TPRG1: variants seen among roughly 807,000 people sequenced by gnomAD.
TPRG1 encodes tumor protein p63 regulated 1, also known as tumor protein p63-regulated gene 1 protein.
TPRG1 carries 29 observed loss-of-function variants against 29.3 expected under a neutral mutation model. The observed-to-expected ratio is 0.99, with a 90% confidence interval of 0.74 to 1.35. TPRG1 has a LOEUF of 1.35. TPRG1 is among the 40% of genes most tolerant of loss of function. The probability of loss-of-function intolerance (pLI) is 0.00; values close to 1 mark genes in which losing one functional copy is unlikely to be tolerated. For synonymous variants in TPRG1, 130 were observed against 116.8 expected, an observed-to-expected ratio of 1.11 and a Z score of -0.73; for missense variants, 327 against 335.0, an observed-to-expected ratio of 0.98 and a Z score of 0.19.
At chr3:189,312,177 CTTTCTTTTTTT>C (rs1722749274) in intron 5 of TPRG1, among the ~76,000 whole-genome samples, 2 of 54,090 alleles carry the variant, frequency 3.7e-5, no homozygotes, top group African/African-American at 1.4e-4. Flanking sequence ...TTCTTTCTTT[CTTTCTTTTTTT>C]CTTTCTTTCT....
At chr3:189,085,199 G>A (rs550133345) in intron 4 of TPRG1, among the ~76,000 whole-genome samples, 2 of 152,136 alleles carry the variant, frequency 1.3e-5, no homozygotes, top group East Asian at 3.9e-4. Context: ...GTGGGGCATA[G>A]GTACATTACG....
chr3:189,290,019 CATAATT>C (rs1718735023), intron 4 of TPRG1, among the ~76,000 whole-genome samples: 1 of 152,036 alleles, frequency 6.6e-6, no homozygotes, highest in African/African-American at 2.4e-5. Flanking sequence ...CAATAGGAAA[CATAATT>C]ATATGGTTTT....
At chr3:189,090,526 T>C (rs902485911) in intron 4 of TPRG1, among the ~76,000 whole-genome samples, 1 of 152,084 alleles carries the variant, frequency 6.6e-6, no homozygotes, top group African/African-American at 2.4e-5. Flanking sequence ...TTGTTTTTGC[T>C]TTATCATAGT....
At chr3:189,312,863 T>C (rs1295266701) in intron 5 of TPRG1, among the ~76,000 whole-genome samples, 1 of 152,162 alleles carries the variant, frequency 6.6e-6, no homozygotes, top group Non-Finnish European at 1.5e-5. Context: ...GAACAGGAAA[T>C]TGATGTTCAT....
At chr3:189,250,514 C>A (rs932571753) in intron 4 of TPRG1, among the ~76,000 whole-genome samples, 1 of 86,172 alleles carries the variant, frequency 1.2e-5, no homozygotes, top group African/African-American at 5.6e-5. Context: ...GCCCCCCCCC[C>A]CCCACCCAGA....
At chr3:189,072,726 G>A (rs539214389) in intron 4 of TPRG1, among the ~76,000 whole-genome samples, 35 of 152,042 alleles carry the variant, frequency 2.3e-4, no homozygotes, top group Non-Finnish European at 4.1e-4. Flanking sequence ...TCCATTGGTT[G>A]TTTCTTGCCT....
At chr3:189,294,088 G>A (rs950299567) in intron 4 of TPRG1, among the ~76,000 whole-genome samples, 1 of 152,132 alleles carries the variant, frequency 6.6e-6, no homozygotes, top group Non-Finnish European at 1.5e-5. Context: ...CTGTATGAAG[G>A]GCTAAGAAAA....
At chr3:189,202,070 T>C (rs999224100) in intron 1 of TPRG1, among the ~76,000 whole-genome samples, 15 of 152,188 alleles carry the variant, frequency 9.9e-5, no homozygotes, top group African/African-American at 2.7e-4. Flanking sequence ...TCAAGCTGAT[T>C]AGAAGTTTTC....
At chr3:189,132,581 C>A (rs1399793052) in exon 3 of TPRG1, 1 of 152,204 alleles carries the variant, frequency 6.6e-6, no homozygotes, top group Non-Finnish European at 1.5e-5. Context: ...AGCGTGGCTT[C>A]TGTACTTAGC....
intron 1 of TPRG1, among the ~76,000 whole-genome samples, chr3:189,187,588 A>G (rs1397431285): frequency 2.0e-5 from 3 of 151,976 alleles, no homozygotes; most frequent in African/African-American, 7.3e-5. Flanking sequence ...AAGTGCTGGG[A>G]TTACAGGCGT....
chr3:189,236,607 A>G (rs1739485402), intron 3 of TPRG1, among the ~76,000 whole-genome samples: 1 of 152,130 alleles, frequency 6.6e-6, no homozygotes, highest in African/African-American at 2.4e-5. Context: ...CTTTCACAAT[A>G]CCACTAACTG....
At chr3:189,173,673 A>G (rs550748823) in intron 1 of TPRG1, among the ~76,000 whole-genome samples, 1 of 152,130 alleles carries the variant, frequency 6.6e-6, no homozygotes, top group Non-Finnish European at 1.5e-5. Flanking sequence ...GATATGCACA[A>G]GTCACACAGC....
At chr3:189,064,031 A>C (rs1716280559) in intron 4 of TPRG1, among the ~76,000 whole-genome samples, 1 of 152,160 alleles carries the variant, frequency 6.6e-6, no homozygotes, top group Admixed American at 6.6e-5. Context: ...CACTTAATAC[A>C]CATAAGATGC....
At chr3:189,279,780 A>T (rs575739803) in intron 4 of TPRG1, among the ~76,000 whole-genome samples, 73 of 152,286 alleles carry the variant, frequency 4.8e-4, no homozygotes, top group Middle Eastern at 3.4e-3. Flanking sequence ...CTGACTACTA[A>T]TTCAGGTTGT....
chr3:189,290,416 A>T (rs1280665564), intron 4 of TPRG1, among the ~76,000 whole-genome samples: 1 of 152,226 alleles, frequency 6.6e-6, no homozygotes, highest in Non-Finnish European at 1.5e-5. Flanking sequence ...CGATGAATCG[A>T]TAGAGTGTGA....
chr3:189,283,658 C>T (rs1399004509), intron 4 of TPRG1, among the ~76,000 whole-genome samples: 2 of 152,194 alleles, frequency 1.3e-5, no homozygotes, highest in African/African-American at 4.8e-5. Context: ...TCAGCAGTGA[C>T]TGGTCAGTTG....
intron 2 of TPRG1, among the ~76,000 whole-genome samples, chr3:189,130,189 C>G (rs1722949205): frequency 6.6e-6 from 1 of 152,242 alleles, no homozygotes; most frequent in South Asian, 2.1e-4. Flanking sequence ...GGGTTCTAGG[C>G]ACATGCATAG....
rs1048905971 is a variant in TPRG1, at chr3:189,320,700, A to G, written c.708A>G (p.Gly236=). The change falls in exon 6 of 6, where the codon GGA becomes GGG. Residue 236 remains glycine (G), a synonymous_variant. Coordinates refer to ENST00000345063, the MANE Select transcript of TPRG1 (RefSeq NM_198485.4). The part of the protein sequence containing the change: ...AHKNSTGSGR[G]KKLMVLTEPI... ...AGAATTCAACTGGATCTGGAAGAGGAAAGAAACTGATGGTGTTAACTGAAC... is the reference window on the plus strand; with the variant it reads ...AGAATTCAACTGGATCTGGAAGAGGGAAGAAACTGATGGTGTTAACTGAAC... 20 of 1,612,790 alleles carry G rather than the reference A, an allele frequency of 1.2e-5. No homozygotes were observed. Among genetic ancestry groups the G allele is most frequent in the Non-Finnish European group, 1.6e-5 (19 of 1,179,390 alleles).
At chr3:189,164,055 G>A (rs1479264388) in intron 5 of TPRG1, among the ~76,000 whole-genome samples, 1 of 151,862 alleles carries the variant, frequency 6.6e-6, no homozygotes, top group Non-Finnish European at 1.5e-5. Context: ...CATGAAGTTG[G>A]GAACTTTGCT....
Sources: gnomAD v4.1 joint callset for allele counts (sites outside exome capture counted in the v4.1 genomes callset) on GRCh38, gnomAD v4.1.1 for gene constraint, MANE v1.5 for transcripts, NCBI Gene and HGNC (gene_info 2026-07-23, HGNC 2026-07-21) for gene names.